The following RSPH14 variants were observed in gnomAD, a reference collection of about 807,000 sequenced individuals.
RSPH14 encodes radial spoke head 14 homolog.
RSPH14 carries 20 observed loss-of-function variants against 26.7 expected under a neutral mutation model. The ratio of observed to expected loss-of-function variants is 0.75; its 90% CI spans 0.53 to 1.09. The LOEUF is 1.09. RSPH14 is among the 50% of genes least tolerant of loss of function. RSPH14 has a pLI of 0.00. For synonymous variants in RSPH14, 177 were observed against 189.3 expected (o/e 0.93, Z 0.53); for missense variants, 449 against 457.2 (o/e 0.98, Z 0.16).
Position 23,071,902 on chromosome 22 carries a change from T to G in RSPH14, c.422-7769A>C. The stretch of plus-strand genomic sequence containing the variant: ...GGGAGCACTTAGCATGCCTGGGGAG[T>G]AGGAGGAGGTATGGCGGGAAAGGCC... On this transcript the variant is annotated intron_variant, in intron 4 of 6. Coordinates refer to ENST00000216036, the MANE Select transcript of RSPH14 (RefSeq NM_014433.3). This position sits in a 1 kb window ranked among gnomAD's most constrained non-coding sequence, Gnocchi z 4.1. 6.7e-6 allele frequency among the ~76,000 whole-genome samples: 1 copy of G among 150,078 alleles called. No individual in the cohort carries two copies. The highest frequency in any genetic ancestry group is 1.5e-5 in the Non-Finnish European group (1 of 67,502).
At chr22:23,171,713 G>A in the RSPH14 span, among the ~76,000 whole-genome samples, 4 of 151,992 alleles carry the variant, frequency 2.6e-5, no homozygotes, top group East Asian at 5.8e-4. Context: ...GTGGTGGCAC[G>A]TGCCTGTAAT....
At chr22:23,144,947 A>T, upstream of RSPH14, 1 of 165,452 alleles carries the variant, frequency 6.0e-6, no homozygotes, top group Non-Finnish European at 1.3e-5. Context: ...TCACTGACTC[A>T]GGTCAGCTTT....
upstream of RSPH14, chr22:23,145,381 G>A (rs1411995030): frequency 2.7e-5 from 43 of 1,607,922 alleles, no homozygotes; most frequent in Non-Finnish European, 3.6e-5. Flanking sequence ...GATCGCCGGT[G>A]CAAGCTGGAT....
chr22:23,125,296 C>CATTAAAAAA, intron 4 of RSPH14, among the ~76,000 whole-genome samples: 1 of 152,052 alleles, frequency 6.6e-6, no homozygotes, highest in East Asian at 1.9e-4. Context: ...GACTCCTGCC[C>CATTAAAAAA]CTCCCGCTGC....
the RSPH14 span, among the ~76,000 whole-genome samples, chr22:23,179,293 C>G: frequency 6.6e-6 from 1 of 152,186 alleles, no homozygotes; most frequent in Non-Finnish European, 1.5e-5. Context: ...GTGGTCAGGA[C>G]TCAAGCCCAG....
At chr22:23,085,668 C>A (rs903585244) in intron 4 of RSPH14, among the ~76,000 whole-genome samples, 1 of 152,196 alleles carries the variant, frequency 6.6e-6, no homozygotes, top group Non-Finnish European at 1.5e-5. Flanking sequence ...CCTTCAACAC[C>A]AGTACCAGTG....
At chr22:23,092,826 G>GC (rs2069021557) in intron 4 of RSPH14, among the ~76,000 whole-genome samples, 1 of 152,210 alleles carries the variant, frequency 6.6e-6, no homozygotes, top group African/African-American at 2.4e-5. Context: ...GACAGAAGGG[G>GC]CGCCTGGCTG....
chr22:23,124,388 T>A (rs1386557485), intron 4 of RSPH14: 3 of 469,490 alleles, frequency 6.4e-6, no homozygotes, highest in African/African-American at 6.0e-5. Context: ...GGACGATCTG[T>A]CTCTCTGCTC....
chr22:23,084,936 GCA>G (rs1368937157), intron 4 of RSPH14, among the ~76,000 whole-genome samples: 6 of 152,200 alleles, frequency 3.9e-5, no homozygotes, highest in Non-Finnish European at 8.8e-5. Context: ...AGGTGCCATT[GCA>G]CACTGGAGGT....
intron 4 of RSPH14, among the ~76,000 whole-genome samples, chr22:23,130,524 G>GAAAGAAAGAAAGAAAT (rs1398375835): frequency 6.6e-6 from 1 of 150,754 alleles, no homozygotes; most frequent in African/African-American, 2.4e-5. Context: ...AAGAAAGAAA[G>GAAAGAAAGAAAGAAAT]AAAGAAAGAG....
At chr22:23,159,184 G>T in the RSPH14 span, 1 of 1,611,258 alleles carries the variant, frequency 6.2e-7, no homozygotes. Context: ...ATGTGAGCAG[G>T]CCGAAGCAGA....
chr22:23,086,455 G>A (rs551412153), intron 4 of RSPH14, among the ~76,000 whole-genome samples: 7 of 152,318 alleles, frequency 4.6e-5, no homozygotes, highest in Admixed American at 3.3e-4. Context: ...TGTCCCCTGC[G>A]TGTCTCCAGC....
At chr22:23,170,330 A>C in the RSPH14 span, among the ~76,000 whole-genome samples, 1 of 152,228 alleles carries the variant, frequency 6.6e-6, no homozygotes, top group Admixed American at 6.5e-5. Flanking sequence ...GAAGTTCCAG[A>C]TCAGGGTGCC....
intron 4 of RSPH14, among the ~76,000 whole-genome samples, chr22:23,118,575 C>G (rs114155718): frequency 0.046 from 7,055 of 152,168 alleles, 564 homozygotes; most frequent in African/African-American, 0.16. Flanking sequence ...ATACCAGGCT[C>G]TCAACTGCAC....
intron 4 of RSPH14, among the ~76,000 whole-genome samples, chr22:23,109,878 C>A (rs58106855): frequency 6.6e-6 from 1 of 152,218 alleles, no homozygotes; most frequent in African/African-American, 2.4e-5. Flanking sequence ...CAGCCCCCCA[C>A]CTCTCAGTTC....
the RSPH14 span, among the ~76,000 whole-genome samples, chr22:23,170,857 C>T: frequency 6.6e-6 from 1 of 151,976 alleles, no homozygotes; most frequent in Non-Finnish European, 1.5e-5. Context: ...CTACATATTT[C>T]CCACTTAGAG....
chr22:23,162,046 C>G, the RSPH14 span: 10 of 168,324 alleles, frequency 5.9e-5, no homozygotes, highest in African/African-American at 2.2e-4. Flanking sequence ...AAGGAGAGGC[C>G]ACCTGCCATT....
chr22:23,128,985 A>C (rs895827215), intron 4 of RSPH14, among the ~76,000 whole-genome samples: 1 of 152,162 alleles, frequency 6.6e-6, no homozygotes, highest in African/African-American at 2.4e-5. Context: ...GAGCCAGCTA[A>C]GCCCTGCTCA....
chr22:23,115,343 G>A (rs779816599), intron 4 of RSPH14, among the ~76,000 whole-genome samples: 3 of 152,228 alleles, frequency 2.0e-5, no homozygotes, highest in Non-Finnish European at 4.4e-5. Context: ...CCCCAAACCA[G>A]TGTGATTTGG....
Sources: gnomAD v4.1 joint callset for allele counts (sites outside exome capture counted in the v4.1 genomes callset) on GRCh38, gnomAD v4.1.1 for gene constraint, Gnocchi (gnomAD v3.1) non-coding constraint, MANE v1.5 for transcripts, NCBI Gene and HGNC (gene_info 2026-07-23, HGNC 2026-07-21) for gene names.